The following CSF2RA variants were observed in gnomAD, a reference collection of about 807,000 sequenced individuals.
The protein encoded by CSF2RA is colony stimulating factor 2 receptor subunit alpha.
CSF2RA carries 42 observed loss-of-function variants against 51.6 expected under a neutral mutation model. The ratio of observed to expected loss-of-function variants is 0.81; its 90% CI spans 0.64 to 1.05. CSF2RA has a LOEUF of 1.05. Among genes scored for constraint, CSF2RA ranks in the 50% least tolerant of loss-of-function variants. The probability of loss-of-function intolerance (pLI) is 0.00; values close to 1 mark genes in which losing one functional copy is unlikely to be tolerated. For missense variants in CSF2RA, 530 were observed against 501.1 expected (o/e 1.06, Z -0.55); for synonymous variants, 222 against 193.0 (o/e 1.15, Z -1.24).
At chrX:1,294,053 C>T in intron 7 of CSF2RA, 1 of 258,476 alleles carries the variant, frequency 3.9e-6, no homozygotes, top group South Asian at 4.4e-5. Context: ...TGCACCACCT[C>T]CACCTGGACC....
At position 1,309,447 on chromosome X, in the gene CSF2RA, G is replaced by C; in HGVS notation, c.1171G>C (p.Glu391Gln). Reference protein sequence around the residue: ...FTPEEGKGYREEVLTVKEIT With the variant: ...FTPEEGKGYRQEVLTVKEIT ...CCCAGAGGAAGGGAAAGGCTACCGC[G>C]AAGAGGTCTTGACCGTGAAGGAAAT... Residue 391 changes from glutamate (E) to glutamine (Q), a missense_variant, in exon 13 of 13, where the codon GAA (glutamate) becomes CAA (glutamine). Coordinates refer to ENST00000381529, the MANE Select transcript of CSF2RA (RefSeq NM_172245.4). 1 of 1,613,974 alleles carries C rather than the reference G, an allele frequency of 6.2e-7. No individual in the cohort carries two copies. Among genetic ancestry groups the C allele is most frequent in the Non-Finnish European group, 8.5e-7 (1 of 1,179,862 alleles).
intron 2 of CSF2RA, among the ~76,000 whole-genome samples, chrX:1,277,230 G>A (rs1314272115): frequency 6.6e-6 from 1 of 152,010 alleles, no homozygotes; most frequent in African/African-American, 2.4e-5. Flanking sequence ...AAGCATAAAC[G>A]AAGGGTGCTT....
the CSF2RA span, among the ~76,000 whole-genome samples, chrX:1,315,684 C>T: frequency 3.7e-4 from 57 of 152,014 alleles, 1 homozygote; most frequent in African/African-American, 1.3e-3. Flanking sequence ...GGATTACAGG[C>T]GTGAGCCACC....
intron 2 of CSF2RA, among the ~76,000 whole-genome samples, chrX:1,276,721 T>C (rs2089235538): frequency 6.6e-6 from 1 of 151,920 alleles, no homozygotes; most frequent in Non-Finnish European, 1.5e-5. Context: ...AGTAAATATA[T>C]TTTGGGGTGA....
rs1267195399 is a variant in CSF2RA at position 1,307,791 on chromosome X, CTTTTTAGA to C, written c.1126-1610_1126-1603del. 9.9e-5 allele frequency among the ~76,000 whole-genome samples: 14 copies of C among 141,398 alleles called. 1 individual carries two copies. Among genetic ancestry groups the C allele is most frequent in the East Asian group, 6.3e-4 (3 of 4,782 alleles). The allele number at this position is 141,398 out of a possible 152,430, so 92.8% of individuals were successfully genotyped here. ...CTGATTAGATGAGGCCCACCTTTCC[CTTTTTAGA>C]CCTTTGACTGATTAGATGAGGCCTA... On this transcript the variant is annotated intron_variant, in intron 12 of 12. Transcript: ENST00000381529.
chrX:1,317,765 A>G, the CSF2RA span, among the ~76,000 whole-genome samples: 2 of 151,670 alleles, frequency 1.3e-5, no homozygotes, highest in African/African-American at 2.4e-5. Context: ...AGAAATTCTA[A>G]TGGGGCTTGG....
chrX:1,309,030 A>G (rs1217975919), intron 12 of CSF2RA, among the ~76,000 whole-genome samples: 1 of 152,010 alleles, frequency 6.6e-6, no homozygotes, highest in African/African-American at 2.4e-5. Context: ...GGAGTTTGAG[A>G]CCAGCCTGGC....
chrX:1,282,744 C>A lies in CSF2RA; in HGVS notation c.41C>A (p.Pro14Gln). The A allele has an allele frequency of 2.5e-6, 4 of 1,613,832 alleles. No homozygotes were observed. Among genetic ancestry groups the A allele is most frequent in the Non-Finnish European group, 3.4e-6 (4 of 1,179,798 alleles). Reference protein sequence around the residue: ...LVTSLLLCELPHPAFLLIPEK... With the variant: ...LVTSLLLCELQHPAFLLIPEK... ...ACAAGCCTTCTGCTCTGTGAGTTAC[C>A]ACACCCAGCATTCCTCCTGATCCCA... The change falls in exon 3 of 13, where the codon CCA becomes CAA. Residue 14 changes from proline to glutamine, a missense_variant. By Grantham distance (76) the Pro-to-Gln change is moderately conservative (BLOSUM62 -1). Transcript: ENST00000381529.
At chrX:1,319,197 T>C in the CSF2RA span, among the ~76,000 whole-genome samples, 24 of 149,740 alleles carry the variant, frequency 1.6e-4, no homozygotes, top group East Asian at 3.2e-3. Context: ...GGTTTCACCA[T>C]GTTGGCCAGG....
intron 3 of CSF2RA, among the ~76,000 whole-genome samples, chrX:1,284,660 A>ATTTTTTTT (rs61159606): frequency 3.3e-4 from 8 of 24,446 alleles, no homozygotes; most frequent in Non-Finnish European, 4.9e-4. Context: ...CTAGTTTTTG[A>ATTTTTTTT]TTTTTTTTTT....
intron 7 of CSF2RA, among the ~76,000 whole-genome samples, chrX:1,293,426 A>G (rs1268517284): frequency 6.6e-6 from 1 of 152,072 alleles, no homozygotes; most frequent in Non-Finnish European, 1.5e-5. Context: ...TCACCGTGTT[A>G]GCCAGGATGG....
At chrX:1,319,243 G>A in the CSF2RA span, among the ~76,000 whole-genome samples, 7 of 147,038 alleles carry the variant, frequency 4.8e-5, no homozygotes, top group Admixed American at 3.4e-4. Flanking sequence ...TGATCCACCC[G>A]GCTCGGCCTC....
chrX:1,291,315 T>TTTCCTTCC (rs1191152641), intron 7 of CSF2RA, among the ~76,000 whole-genome samples: 3 of 135,888 alleles, frequency 2.2e-5, no homozygotes, highest in Non-Finnish European at 4.7e-5. Context: ...CCCTCCCTCC[T>TTTCCTTCC]TTCCTTCCTT....
chrX:1,294,380 C>T lies in CSF2RA; in HGVS notation c.699C>T (p.Cys233=), dbSNP rs1486382447. The change falls in exon 8 of 13, where the codon TGC becomes TGT. Residue 233 remains cysteine (C), a synonymous_variant. Transcript: ENST00000381529. ...CCGTACGTTGCAACACGACGCACTG[C>T]CTCGTACGGTGGAAACAGCCCAGGA... ...NVTVRCNTTH[C]LVRWKQPRTY... The T allele has an allele frequency of 1.9e-6, 3 of 1,613,842 alleles. No individual in the cohort carries two copies. Among genetic ancestry groups the T allele is most frequent in the Admixed American group, 3.3e-5 (2 of 59,990 alleles).
the CSF2RA span, among the ~76,000 whole-genome samples, chrX:1,317,157 C>T: frequency 6.6e-6 from 1 of 150,416 alleles, no homozygotes; most frequent in African/African-American, 2.5e-5. Context: ...ACCATGTTAG[C>T]CAGGATGGTC....
chrX:1,324,760 G>A, the CSF2RA span, among the ~76,000 whole-genome samples: 210 of 152,194 alleles, frequency 1.4e-3, no homozygotes, highest in African/African-American at 4.9e-3. Context: ...TCGGGACCAC[G>A]CAAGATGTGG....
intron 4 of CSF2RA, chrX:1,287,133 C>T (rs1474854195): frequency 6.6e-6 from 1 of 152,222 alleles, no homozygotes; most frequent in African/African-American, 2.4e-5. Flanking sequence ...TGCTATGTTA[C>T]CCCAGATGAC....
At position 1,292,420 on chromosome X, in the gene CSF2RA, C is replaced by T. The variant is rs1161177043; in HGVS notation, c.647-1908C>T. On this transcript the variant is annotated intron_variant, in intron 7 of 12. Transcript: ENST00000381529. ...GCCCAGGGGACCGGCGCTCAGCATA[C>T]GGAGGACCTGCACCGGTCTCTGAGT... is the stretch of plus-strand genomic sequence containing the variant. 7.9e-5 allele frequency among the ~76,000 whole-genome samples: 12 copies of T among 152,214 alleles called. No individual in the cohort carries two copies. In the East Asian group the frequency reaches 9.7e-4, roughly 12 times the overall value.
At chrX:1,323,979 A>G in the CSF2RA span, among the ~76,000 whole-genome samples, 3 of 151,766 alleles carry the variant, frequency 2.0e-5, no homozygotes, top group Non-Finnish European at 4.4e-5. Flanking sequence ...ACCCCACTGC[A>G]TTCCAGCCTG....
Sources: gnomAD v4.1 joint callset for allele counts (sites outside exome capture counted in the v4.1 genomes callset) on GRCh38, gnomAD v4.1.1 for gene constraint, MANE v1.5 for transcripts, NCBI Gene and HGNC (gene_info 2026-07-23, HGNC 2026-07-21) for gene names.